ABCG5: variants seen among roughly 807,000 people sequenced by gnomAD.
ABCG5 encodes the protein ATP binding cassette subfamily G member 5.
In ABCG5, 64 loss-of-function variants were observed where a neutral mutation model predicts 64.5. That is an observed-to-expected ratio of 0.99 (90% CI 0.81 to 1.22). The LOEUF (loss-of-function observed/expected upper bound fraction) is 1.22, where lower values mean the gene tolerates loss of function less well. ABCG5 is among the 50% of genes most tolerant of loss of function. The probability of loss-of-function intolerance (pLI) is 0.00; values close to 1 mark genes in which losing one functional copy is unlikely to be tolerated. For synonymous variants in ABCG5, 385 were observed against 326.3 expected, an observed-to-expected ratio of 1.18 and a Z score of -1.94; for missense variants, 908 against 829.5, an observed-to-expected ratio of 1.09 and a Z score of -1.16.
chr2:43,807,674 C>T (rs1257317431), downstream of ABCG5, among the ~76,000 whole-genome samples: 1 of 147,010 alleles, frequency 6.8e-6, no homozygotes, highest in African/African-American at 2.5e-5. Flanking sequence ...CTGAGTTGGC[C>T]TCCCAAAGTG....
At chr2:43,839,102 C>G, upstream of ABCG5, 2 of 1,551,234 alleles carry the variant, frequency 1.3e-6, no homozygotes, top group Non-Finnish European at 1.7e-6. Flanking sequence ...AGGGGCCACT[C>G]CCCAGGATAC....
At chr2:43,817,484 G>C (rs1359025781) in intron 11 of ABCG5, among the ~76,000 whole-genome samples, 1 of 149,936 alleles carries the variant, frequency 6.7e-6, no homozygotes, top group Non-Finnish European at 1.5e-5. Context: ...GTGAGACTCT[G>C]CGTCAAGAAA....
intron 11 of ABCG5, among the ~76,000 whole-genome samples, chr2:43,818,838 A>T (rs1295774885): frequency 1.3e-5 from 2 of 152,160 alleles, no homozygotes; most frequent in African/African-American, 4.8e-5. Context: ...GTTCCTTCTC[A>T]TGATCCCTTG....
chr2:43,837,564 G>A (rs1396950319), intron 2 of ABCG5, among the ~76,000 whole-genome samples: 1 of 151,952 alleles, frequency 6.6e-6, no homozygotes, highest in Admixed American at 6.6e-5. Context: ...GGGAAATTGT[G>A]TTTCCTGAGT....
At chr2:43,819,390 T>C (rs181171283) in intron 11 of ABCG5, among the ~76,000 whole-genome samples, 3 of 152,108 alleles carry the variant, frequency 2.0e-5, no homozygotes, top group Middle Eastern at 3.4e-3. Flanking sequence ...ACTATTGATA[T>C]TGATTTTAGA....
the ABCG5 span, among the ~76,000 whole-genome samples, chr2:43,806,538 G>T: frequency 2.6e-5 from 4 of 152,208 alleles, no homozygotes; most frequent in Non-Finnish European, 4.4e-5. Flanking sequence ...ACAGGAAAAT[G>T]ACCTTATGTA....
chr2:43,827,398 A>G (rs1420652926), intron 5 of ABCG5, among the ~76,000 whole-genome samples: 1 of 151,792 alleles, frequency 6.6e-6, no homozygotes, highest in African/African-American at 2.4e-5. Context: ...ACCAAGCACC[A>G]TTTGAAGAAC....
In ABCG5 at chr2:43,832,078, C is replaced by T. The variant is rs902259474; in HGVS notation, c.271G>A (p.Gly91Arg). 8 of 1,578,096 alleles carry T rather than the reference C, an allele frequency of 5.1e-6. No individual in the cohort carries two copies. Among genetic ancestry groups the T allele is most frequent in the East Asian group, 4.6e-5 (2 of 43,302 alleles). The change falls in exon 3 of 13, where the codon GGG (glycine) becomes AGG (arginine). Residue 91 changes from glycine (G) to arginine (R), a missense_variant. By Grantham distance (125) the Gly-to-Arg change is moderately radical. Coordinates refer to ENST00000405322, the MANE Select transcript of ABCG5 (RefSeq NM_022436.3). Reference sequence around the variant, plus strand: ...ATGGCGTCCAGCAGCGTGGTTTTCCCGGAGCCTGCGGGGCGACAACAGAAG... The same window carrying T: ...ATGGCGTCCAGCAGCGTGGTTTTCCTGGAGCCTGCGGGGCGACAACAGAAG... ...IMCILGSSGS[G>R]KTTLLDAMSG...
intron 4 of ABCG5, 136 bp from the exon 5 acceptor site, chr2:43,828,251 G>T: frequency 8.9e-7 from 1 of 1,121,120 alleles, no homozygotes; most frequent in South Asian, 1.3e-5. Flanking sequence ...CCACACCCTG[G>T]GGAAAGCATG....
chr2:43,835,018 A>G (rs913082040), intron 2 of ABCG5, among the ~76,000 whole-genome samples: 1 of 152,242 alleles, frequency 6.6e-6, no homozygotes. Context: ...AATATTTATT[A>G]AGCACCCACT....
At chr2:43,830,076 C>T (rs988088331) in intron 4 of ABCG5, among the ~76,000 whole-genome samples, 29 of 152,290 alleles carry the variant, frequency 1.9e-4, no homozygotes, top group African/African-American at 7.0e-4. Context: ...AGGGTAGATT[C>T]CCGAGCCTCC....
chr2:43,809,101 AC>A (rs1335049939), downstream of ABCG5, among the ~76,000 whole-genome samples: 195 of 151,828 alleles, frequency 1.3e-3, no homozygotes, highest in African/African-American at 4.6e-3. Flanking sequence ...CGATCCTCCC[AC>A]CTCAGACTCC....
chr2:43,809,723 AG>A (rs1281191616), downstream of ABCG5: 1 of 1,612,220 alleles, frequency 6.2e-7, no homozygotes, highest in South Asian at 1.1e-5. Context: ...ACAGTACAAA[AG>A]AAGTTCTTCC....
chr2:43,806,669 A>G, the ABCG5 span, among the ~76,000 whole-genome samples: 1 of 152,212 alleles, frequency 6.6e-6, no homozygotes, highest in Non-Finnish European at 1.5e-5. Context: ...TATATTGTAT[A>G]ATGATCACTT....
downstream of ABCG5, chr2:43,810,484 A>G: frequency 1.0e-6 from 1 of 985,450 alleles, no homozygotes; most frequent in African/African-American, 1.7e-5. Context: ...AAGCCATTCC[A>G]ATCTGTAGAT....
In ABCG5 at chr2:43,819,504, T is replaced by C. The variant is rs1455954659; in HGVS notation, c.1649+411A>G. Among the ~76,000 whole-genome samples, 14 of 151,888 alleles carry C rather than the reference T, an allele frequency of 9.2e-5. No homozygotes were observed. The East Asian group carries it at 2.7e-3, about 29-fold the overall frequency. On this transcript the variant is annotated intron_variant, in intron 11 of 12. Transcript: ENST00000405322. ...GGCTTTTTTTTTTTTGTCTGACTAG[T>C]CTTAATTCCTAAGAATAACTGGGAA...
Position 43,823,786 on chromosome 2 carries a change from G to A in ABCG5, c.1324+127C>T, listed in dbSNP as rs571273630. On this transcript the variant is annotated intron_variant, in intron 9 of 12. Transcript: ENST00000405322. ...CAATAGTTGCCTTTCCCCAGAGAGG[G>A]AACCTGGAGAGGGCTGGGTTTAGCT... 4.6e-6 allele frequency: 5 copies of A among 1,095,220 alleles called. No individual in the cohort carries two copies. In the African/African-American group the frequency reaches 6.4e-5, roughly 14 times the overall value. The allele number at this position is 1,095,220 out of a possible 1,614,324, so 67.8% of individuals were successfully genotyped here.
At chr2:43,815,762 C>T (rs1666773860) in intron 11 of ABCG5, among the ~76,000 whole-genome samples, 1 of 152,070 alleles carries the variant, frequency 6.6e-6, no homozygotes, top group Non-Finnish European at 1.5e-5. Flanking sequence ...GAACAATAGC[C>T]AGCAACAGCC....
At chr2:43,826,314 TG>T in intron 6 of ABCG5, 67 bp downstream of exon 6, 2 of 1,609,474 alleles carry the variant, frequency 1.2e-6, no homozygotes, top group Non-Finnish European at 1.7e-6. Flanking sequence ...GTACAAATCT[TG>T]CCCCTGCCCC....
Sources: allele counts gnomAD v4.1 joint callset (sites outside exome capture counted in the v4.1 genomes callset), GRCh38; gene constraint gnomAD v4.1.1; transcripts MANE v1.5; gene names NCBI Gene and HGNC (gene_info 2026-07-23, HGNC 2026-07-21).